The following CNBD1 variants were observed in gnomAD, a reference collection of about 807,000 sequenced individuals.
The protein encoded by CNBD1 is cyclic nucleotide-binding domain-containing protein 1.
In CNBD1, 71 loss-of-function variants were observed where a neutral mutation model predicts 54.4. That is an observed-to-expected ratio of 1.30 (90% CI 1.08 to 1.59). The LOEUF (loss-of-function observed/expected upper bound fraction) is 1.59, where lower values mean the gene tolerates loss of function less well. Ranked by LOEUF, CNBD1 falls within the 40% of genes most tolerant of loss-of-function variation. The probability of loss-of-function intolerance (pLI) is 0.00; values close to 1 mark genes in which losing one functional copy is unlikely to be tolerated. For synonymous variants in CNBD1, 182 were observed against 170.7 expected (o/e 1.07, Z -0.51); for missense variants, 659 against 518.0 (o/e 1.27, Z -2.64).
intron 4 of CNBD1, among the ~76,000 whole-genome samples, chr8:87,034,538 A>G (rs1315247243): frequency 1.3e-5 from 2 of 152,214 alleles, no homozygotes; most frequent in Admixed American, 6.5e-5. Flanking sequence ...ATTTATTTAC[A>G]TGTCTATTAA....
At chr8:87,272,090 G>A (rs558180932) in intron 6 of CNBD1, among the ~76,000 whole-genome samples, 15 of 151,996 alleles carry the variant, frequency 9.9e-5, no homozygotes, top group African/African-American at 2.9e-4. Context: ...AGGCCAAGAA[G>A]GGTGGGGGTG....
chr8:87,160,270 A>G (rs1282466864), intron 4 of CNBD1, among the ~76,000 whole-genome samples: 2 of 152,012 alleles, frequency 1.3e-5, no homozygotes, highest in Admixed American at 6.6e-5. Flanking sequence ...AATATGTTAT[A>G]AAATATGTTA....
At chr8:87,010,762 A>C (rs927987257) in intron 4 of CNBD1, among the ~76,000 whole-genome samples, 1 of 152,096 alleles carries the variant, frequency 6.6e-6, no homozygotes, top group African/African-American at 2.4e-5. Flanking sequence ...GAAAACAAAA[A>C]ACTCCCATTC....
At chr8:87,162,250 A>C (rs887877702) in intron 4 of CNBD1, among the ~76,000 whole-genome samples, 1 of 152,106 alleles carries the variant, frequency 6.6e-6, no homozygotes, top group Admixed American at 6.6e-5. Flanking sequence ...AATACTCAGA[A>C]TATGTTGAAA....
chr8:86,942,503 C>T (rs1358347066), intron 4 of CNBD1, among the ~76,000 whole-genome samples: 1 of 152,194 alleles, frequency 6.6e-6, no homozygotes, highest in African/African-American at 2.4e-5. Context: ...GACATCCCCA[C>T]TTTCATGATG....
chr8:87,208,193 T>C (rs1485748785), intron 5 of CNBD1, among the ~76,000 whole-genome samples: 1 of 152,192 alleles, frequency 6.6e-6, no homozygotes, highest in African/African-American at 2.4e-5. Flanking sequence ...TGGTCTCTTT[T>C]CTGGCCACTA....
At chr8:86,900,528 C>A (rs1432974839) in intron 2 of CNBD1, among the ~76,000 whole-genome samples, 1 of 152,112 alleles carries the variant, frequency 6.6e-6, no homozygotes, top group African/African-American at 2.4e-5. Flanking sequence ...TGTCTGATAT[C>A]TAAATGCTGT....
chr8:87,397,805 T>C (rs1012157831), intron 2 of CNBD1, among the ~76,000 whole-genome samples: 8 of 152,112 alleles, frequency 5.3e-5, no homozygotes, highest in South Asian at 4.1e-4. Context: ...GACATGGTGG[T>C]TGATGACTGA....
At chr8:87,057,527 C>T (rs1810446268) in intron 4 of CNBD1, among the ~76,000 whole-genome samples, 1 of 152,198 alleles carries the variant, frequency 6.6e-6, no homozygotes, top group Admixed American at 6.5e-5. Flanking sequence ...CCCCTGGCCC[C>T]TTCCACATGT....
chr8:87,219,561 G>A (rs776538394), intron 5 of CNBD1, among the ~76,000 whole-genome samples: 1 of 151,838 alleles, frequency 6.6e-6, no homozygotes, highest in African/African-American at 2.4e-5. Flanking sequence ...CATATATATA[G>A]CCAGAATACT....
At chr8:87,237,784 G>A (rs1196818993) in intron 6 of CNBD1, among the ~76,000 whole-genome samples, 3 of 152,002 alleles carry the variant, frequency 2.0e-5, no homozygotes, top group Non-Finnish European at 4.4e-5. Context: ...TTAGCATTAT[G>A]GGGTACAATC....
chr8:87,253,187 G>A (rs1184489909), intron 6 of CNBD1, among the ~76,000 whole-genome samples: 1 of 152,096 alleles, frequency 6.6e-6, no homozygotes, highest in Non-Finnish European at 1.5e-5. Context: ...ACTTATCAGG[G>A]CCACTCCCCA....
At chr8:87,290,263 T>C (rs1292963723) in intron 8 of CNBD1, among the ~76,000 whole-genome samples, 1 of 152,022 alleles carries the variant, frequency 6.6e-6, no homozygotes, top group East Asian at 1.9e-4. Flanking sequence ...AGAGATCAAA[T>C]ATATATTTAT....
intron 6 of CNBD1, among the ~76,000 whole-genome samples, chr8:87,280,549 C>T (rs776981852): frequency 9.2e-5 from 14 of 151,372 alleles, no homozygotes; most frequent in Non-Finnish European, 1.3e-4. Context: ...GAGCAAGCTA[C>T]TATTTAAAAA....
At chr8:87,174,927 G>C (rs767421237) in intron 4 of CNBD1, among the ~76,000 whole-genome samples, 1 of 152,164 alleles carries the variant, frequency 6.6e-6, no homozygotes, top group Non-Finnish European at 1.5e-5. Context: ...AATCAGTGAA[G>C]TCTTCCTCTC....
chr8:86,870,930 T>G (rs1447311155), intron 1 of CNBD1, among the ~76,000 whole-genome samples: 2 of 152,232 alleles, frequency 1.3e-5, no homozygotes, highest in African/African-American at 4.8e-5. Context: ...CCCAATGGAA[T>G]GTGCCATCAT....
At chr8:87,006,850 A>G (rs1362633375) in intron 4 of CNBD1, among the ~76,000 whole-genome samples, 1 of 152,212 alleles carries the variant, frequency 6.6e-6, no homozygotes, top group Non-Finnish European at 1.5e-5. Flanking sequence ...AGATAAAGCT[A>G]TTTAAACATT....
At chr8:86,935,491 G>A (rs562933761) in intron 3 of CNBD1, among the ~76,000 whole-genome samples, 33 of 152,222 alleles carry the variant, frequency 2.2e-4, no homozygotes, top group African/African-American at 7.7e-4. Flanking sequence ...TTGTAGTTTT[G>A]TAAGTATTTG....
At chr8:87,275,094 C>T (rs1333532838) in intron 6 of CNBD1, among the ~76,000 whole-genome samples, 5 of 135,682 alleles carry the variant, frequency 3.7e-5, no homozygotes, top group African/African-American at 1.5e-4. Flanking sequence ...AGATATGCGG[C>T]GTTATTTCTG....
Sources: allele counts gnomAD v4.1 joint callset (sites outside exome capture counted in the v4.1 genomes callset), GRCh38; gene constraint gnomAD v4.1.1; transcripts MANE v1.5; gene names NCBI Gene and HGNC (gene_info 2026-07-23, HGNC 2026-07-21).